Variants in ANKRD45 observed in about 807,000 individuals in gnomAD.
The protein encoded by ANKRD45 is ankyrin repeat domain-containing protein 45.
In ANKRD45, 21 loss-of-function variants were observed where a neutral mutation model predicts 28.1. That is an observed-to-expected ratio of 0.75 (90% CI 0.53 to 1.08). The LOEUF (loss-of-function observed/expected upper bound fraction) is 1.08. Among genes scored for constraint, ANKRD45 ranks in the 50% least tolerant of loss-of-function variants. The pLI is 0.00. For missense variants in ANKRD45, 261 were observed against 308.7 expected (o/e 0.85, Z 1.16); for synonymous variants, 86 against 103.9 (o/e 0.83, Z 1.05).
intron 5 of ANKRD45, among the ~76,000 whole-genome samples, chr1:173,613,745 G>T (rs913792548): frequency 6.6e-6 from 1 of 152,150 alleles, no homozygotes. Flanking sequence ...CCCTCTACCC[G>T]GCCACCACCC....
At chr1:173,654,065 C>T (rs1669376910) in intron 2 of ANKRD45, among the ~76,000 whole-genome samples, 1 of 151,784 alleles carries the variant, frequency 6.6e-6, no homozygotes, top group South Asian at 2.1e-4. Flanking sequence ...ATCCAATTTG[C>T]CAGTCAGTGT....
chr1:173,699,563 G>T, the ANKRD45 span, among the ~76,000 whole-genome samples: 43 of 151,960 alleles, frequency 2.8e-4, no homozygotes, highest in African/African-American at 9.9e-4. Flanking sequence ...CAGAACCAAA[G>T]ACAAAAACCA....
chr1:173,706,000 A>T, the ANKRD45 span, among the ~76,000 whole-genome samples: 2 of 152,146 alleles, frequency 1.3e-5, no homozygotes, highest in African/African-American at 2.4e-5. Flanking sequence ...ATGCCTGAAG[A>T]GTATGCCATT....
the ANKRD45 span, among the ~76,000 whole-genome samples, chr1:173,675,893 G>A: frequency 5.9e-5 from 9 of 152,146 alleles, no homozygotes; most frequent in African/African-American, 2.2e-4. Flanking sequence ...TTAGTCCATA[G>A]AAGGAATCTC....
chr1:173,714,504 T>C, the ANKRD45 span, among the ~76,000 whole-genome samples: 1 of 152,110 alleles, frequency 6.6e-6, no homozygotes, highest in Non-Finnish European at 1.5e-5. Context: ...ATCTGGAGGA[T>C]AAGGTCTATC....
intron 5 of ANKRD45, 76 bp downstream of exon 5, chr1:173,624,711 A>C (rs545612097): frequency 7.0e-7 from 1 of 1,435,832 alleles, no homozygotes; most frequent in East Asian, 2.3e-5. Flanking sequence ...TAAAATCAGA[A>C]TATCTCAAAA....
chr1:173,654,784 C>T (rs1669419012), intron 2 of ANKRD45, among the ~76,000 whole-genome samples: 1 of 152,118 alleles, frequency 6.6e-6, no homozygotes, highest in African/African-American at 2.4e-5. Flanking sequence ...TTCTTAGAGG[C>T]TTTGTTCATT....
intron 5 of ANKRD45, among the ~76,000 whole-genome samples, chr1:173,621,882 T>C (rs959209631): frequency 6.6e-6 from 1 of 152,174 alleles, no homozygotes; most frequent in South Asian, 2.1e-4. Flanking sequence ...TGTTTGCAGA[T>C]GACATGATCC....
intron 5 of ANKRD45, among the ~76,000 whole-genome samples, chr1:173,618,475 T>C (rs530339533): frequency 6.6e-6 from 1 of 152,008 alleles, no homozygotes; most frequent in Non-Finnish European, 1.5e-5. Flanking sequence ...AAAACCATGA[T>C]GCAAGAAGTT....
chr1:173,702,003 A>G, the ANKRD45 span, among the ~76,000 whole-genome samples: 1 of 152,212 alleles, frequency 6.6e-6, no homozygotes, highest in African/African-American at 2.4e-5. Flanking sequence ...AAAGAAACAT[A>G]AAAGGGCATG....
At chr1:173,619,386 A>G (rs995509567) in intron 5 of ANKRD45, among the ~76,000 whole-genome samples, 2 of 152,218 alleles carry the variant, frequency 1.3e-5, no homozygotes, top group African/African-American at 4.8e-5. Flanking sequence ...GCTGTCTTCA[A>G]GAGACCCATC....
chr1:173,613,098 G>C (rs1034760684), intron 5 of ANKRD45, among the ~76,000 whole-genome samples: 8 of 151,220 alleles, frequency 5.3e-5, no homozygotes, highest in African/African-American at 1.9e-4. Context: ...CCCAGTCTGG[G>C]AAGTGAAGAG....
chr1:173,669,398 C>T lies in ANKRD45; in HGVS notation c.-16+419G>A, dbSNP rs1334843327. 2.5e-5 allele frequency: 10 copies of T among 392,654 alleles called. No individual in the cohort carries two copies. The East Asian group carries it at 7.0e-4, about 28-fold the overall frequency. The allele number at this position is 392,654 out of a possible 1,614,324, so 24.3% of individuals were successfully genotyped here. A position where few individuals can be genotyped will look rare whatever the true frequency, so the allele number is the denominator to read the frequency against. On this transcript the variant is annotated intron_variant, in intron 1 of 5. Coordinates refer to ENST00000333279, the MANE Select transcript of ANKRD45 (RefSeq NM_198493.3). The stretch of plus-strand genomic sequence containing the variant: ...TTTTAAGCCAACTGATTTTTTTCTT[C>T]AAAAAAAAAAAAAAAGTAGTCGCTT...
chr1:173,613,631 C>T (rs1191050063), intron 5 of ANKRD45, among the ~76,000 whole-genome samples: 2 of 150,182 alleles, frequency 1.3e-5, no homozygotes, highest in Non-Finnish European at 3.0e-5. Context: ...GCCAGCTGCC[C>T]CGTCCGGGAG....
At chr1:173,631,441 T>C (rs886988826) in intron 3 of ANKRD45, among the ~76,000 whole-genome samples, 1 of 151,900 alleles carries the variant, frequency 6.6e-6, no homozygotes, top group Non-Finnish European at 1.5e-5. Flanking sequence ...AGACAGAACA[T>C]CAAAAAAGAA....
At chr1:173,674,491 C>A (rs966427373), upstream of ANKRD45, among the ~76,000 whole-genome samples, 1 of 152,052 alleles carries the variant, frequency 6.6e-6, no homozygotes, top group Admixed American at 6.5e-5. Context: ...ATAACATGTG[C>A]CCAAGGTGGT....
chr1:173,654,208 A>G (rs1669384957), intron 2 of ANKRD45, among the ~76,000 whole-genome samples: 1 of 152,086 alleles, frequency 6.6e-6, no homozygotes, highest in Non-Finnish European at 1.5e-5. Flanking sequence ...TCTTTATAAC[A>G]TGGCATGTTT....
chr1:173,693,134 T>C, the ANKRD45 span, among the ~76,000 whole-genome samples: 108 of 152,250 alleles, frequency 7.1e-4, 1 homozygote, highest in African/African-American at 2.4e-3. Context: ...ACTCCATCTC[T>C]ACTAAAAATA....
chr1:173,651,654 G>A (rs1669227791), intron 2 of ANKRD45, among the ~76,000 whole-genome samples: 2 of 152,088 alleles, frequency 1.3e-5, no homozygotes, highest in South Asian at 4.1e-4. Flanking sequence ...AGCTTGATGG[G>A]GATGGCATTG....
Sources: gnomAD v4.1 joint callset for allele counts (sites outside exome capture counted in the v4.1 genomes callset) on GRCh38, gnomAD v4.1.1 for gene constraint, MANE v1.5 for transcripts, NCBI Gene and HGNC (gene_info 2026-07-23, HGNC 2026-07-21) for gene names.